DCBLD2: variants seen among roughly 807,000 people sequenced by gnomAD.
The protein encoded by DCBLD2 is discoidin, CUB and LCCL domain containing 2.
Under a neutral mutation model 86.8 loss-of-function variants are expected in DCBLD2, and 54 were observed. That is an observed-to-expected ratio of 0.62 (90% CI 0.50 to 0.78). The LOEUF is 0.78. Among genes scored for constraint, DCBLD2 ranks in the 30% least tolerant of loss-of-function variants. DCBLD2 has a pLI of 0.00. For synonymous variants in DCBLD2, 354 were observed against 341.3 expected, an observed-to-expected ratio of 1.04 and a Z score of -0.41; for missense variants, 908 against 954.2, an observed-to-expected ratio of 0.95 and a Z score of 0.64.
In DCBLD2 at chr3:98,849,519, A is replaced by G. The variant is rs1370016849; in HGVS notation, c.513T>C (p.Ser171=). ...ATCCGCGTCCAGAAACATGGATTCC[A>G]CTCATGAACAGCAATGTGATTTCAT... ...KGNEITLLFM[S]GIHVSGRGFL... The change falls in exon 3 of 16, where the codon AGT becomes AGC. Residue 171 remains serine, a synonymous_variant. Coordinates refer to ENST00000326840, the MANE Select transcript of DCBLD2 (RefSeq NM_080927.4). The G allele has an allele frequency of 1.9e-6, 3 of 1,613,866 alleles. No homozygotes were observed. The highest frequency in any genetic ancestry group is 3.3e-5 in the Admixed American group (2 of 60,012).
At chr3:98,860,493 G>C (rs139481246) in intron 2 of DCBLD2, among the ~76,000 whole-genome samples, 8,105 of 152,220 alleles carry the variant, frequency 0.053, 279 homozygotes, top group Non-Finnish European at 0.071. Flanking sequence ...GGTTACCCAC[G>C]AAGGGAAGCC....
chr3:98,833,212 G>C (rs1576169248), intron 3 of DCBLD2, among the ~76,000 whole-genome samples: 1 of 152,036 alleles, frequency 6.6e-6, no homozygotes, highest in Non-Finnish European at 1.5e-5. Flanking sequence ...TCCTCAGCGT[G>C]GTCTATTCTG....
rs760777099 is a variant in DCBLD2, at chr3:98,811,515, T to C, written c.1403A>G (p.Asn468Ser). ...PKLTQPPPPR[N>S]SNDLKNTTAP... is the part of the protein sequence containing the mutation. ...TGTAGTGTTTTTGAGGTCATTGCTG[T>C]TCCGAGGAGGTGGAGGTTGAGTAAG... Residue 468 changes from asparagine (N) to serine (S), a missense_variant, in exon 11 of 16, where the codon AAC (asparagine) becomes AGC (serine). Coordinates refer to ENST00000326840, the MANE Select transcript of DCBLD2 (RefSeq NM_080927.4). 6.2e-7 allele frequency: 1 copy of C among 1,608,210 alleles called. No individual in the cohort carries two copies. Among genetic ancestry groups the C allele is most frequent in the South Asian group, 1.1e-5 (1 of 89,272 alleles).
chr3:98,811,166 C>T (rs1941931522), intron 12 of DCBLD2, 28 bp downstream of exon 12: 1 of 1,577,286 alleles, frequency 6.3e-7, no homozygotes, highest in Non-Finnish European at 8.6e-7. Context: ...ATACTATGTA[C>T]TAGGCGTTCA....
Position 98,811,214 on chromosome 3 carries a change from AC to A in DCBLD2, c.1555del (p.Val519Ter). The A allele has an allele frequency of 6.2e-7, 1 of 1,608,286 alleles. No homozygotes were observed. The highest frequency in any genetic ancestry group is 1.1e-5 in the South Asian group (1 of 89,570). On this transcript the variant is annotated frameshift_variant, in exon 12 of 16. Transcript: ENST00000326840. LOFTEE classifies it high-confidence loss of function. ...TASPDIRNTT[V>X]TPNVTKDVAL... is the part of the protein sequence containing the mutation. ...CATACCTTTGGTTACATTTGGAGTT[AC>A]GGTAGTATTTCTGATATCAGGACTG... is the stretch of plus-strand genomic sequence containing the variant.
intron 14 of DCBLD2, 145 bp from the exon 15 acceptor site, chr3:98,800,861 T>TC: frequency 8.7e-7 from 1 of 1,144,498 alleles, no homozygotes; most frequent in Non-Finnish European, 1.2e-6. Flanking sequence ...AACTTTTTTT[T>TC]TTTTTTTTGC....
At chr3:98,813,277 A>C (rs1251832201) in intron 9 of DCBLD2, 3 of 152,124 alleles carry the variant, frequency 2.0e-5, no homozygotes, top group African/African-American at 7.2e-5. Context: ...TTTATTTAGA[A>C]AAGAGGTCTC....
At chr3:98,849,423 T>C (rs1298271546) in intron 3 of DCBLD2, 38 bp downstream of exon 3, 12 of 1,612,384 alleles carry the variant, frequency 7.4e-6, no homozygotes, top group Non-Finnish European at 9.3e-6. Flanking sequence ...TGTTAGAAAT[T>C]ACAAACTGTA....
intron 2 of DCBLD2, among the ~76,000 whole-genome samples, chr3:98,871,846 T>C (rs368416067): frequency 3.3e-5 from 5 of 152,194 alleles, no homozygotes; most frequent in African/African-American, 4.8e-5. Context: ...TTCAGTAGAA[T>C]TGGCATCAGT....
At chr3:98,882,496 T>C (rs1372693502) in intron 1 of DCBLD2, among the ~76,000 whole-genome samples, 4 of 152,054 alleles carry the variant, frequency 2.6e-5, no homozygotes, top group South Asian at 2.1e-4. Flanking sequence ...CAGATATACA[T>C]GTGCCATGTT....
At chr3:98,845,634 C>A (rs1453201731) in intron 3 of DCBLD2, among the ~76,000 whole-genome samples, 1 of 152,202 alleles carries the variant, frequency 6.6e-6, no homozygotes, top group Non-Finnish European at 1.5e-5. Context: ...CACACCACTT[C>A]TCTGTTCTTA....
intron 2 of DCBLD2, among the ~76,000 whole-genome samples, chr3:98,864,440 A>G (rs569895115): frequency 6.6e-6 from 1 of 152,214 alleles, no homozygotes; most frequent in Non-Finnish European, 1.5e-5. Context: ...AATAGCAAAG[A>G]CTTGGAACCA....
Position 98,797,422 on chromosome 3 carries a change from G to T in DCBLD2, c.*1950C>A, listed in dbSNP as rs1303310774. ...ACATCTCTCTTAAAGCTTCAAACAG[G>T]TATATTACTTGAGGAAAAGTATATT... is the stretch of plus-strand genomic sequence containing the variant. On this transcript the variant is annotated 3_prime_UTR_variant, in exon 16 of 16. Transcript: ENST00000326840. 1.3e-5 allele frequency: 2 copies of T among 152,456 alleles called. No homozygotes were observed. The highest frequency in any genetic ancestry group is 4.8e-5 in the African/African-American group (2 of 41,392). 9.4% of individuals were successfully genotyped at this position (152,456 alleles called of 1,614,324 possible).
rs369032659 is a variant in DCBLD2, at chr3:98,901,256, G to A, written c.71C>T (p.Ala24Val). The A allele has an allele frequency of 2.6e-4, 398 of 1,531,320 alleles. 1 individual carries two copies. In the African/African-American group the frequency reaches 4.4e-3, roughly 17 times the overall value. 94.9% of individuals were successfully genotyped at this position (1,531,320 alleles called of 1,614,324 possible). ...QCPQVRAAAAAPAWAALPLSR... is the reference protein window; with the variant it reads ...QCPQVRAAAAVPAWAALPLSR... The stretch of plus-strand genomic sequence containing the variant: ...GAGGGGGAGCGCGGCCCAGGCGGGG[G>A]CGGCGGCCGCGGCCCGGACTTGGGG... The change falls in exon 1 of 16, where the codon GCC (alanine) becomes GTC (valine). Residue 24 changes from alanine to valine, a missense_variant. This residue lies in a region of DCBLD2 where 294 missense variants were observed against 256.0 expected (regional missense o/e 1.15). Transcript: ENST00000326840.
intron 1 of DCBLD2, 143 bp from the exon 2 acceptor site, chr3:98,881,910 A>G: frequency 1.2e-6 from 1 of 819,952 alleles, no homozygotes; most frequent in Non-Finnish European, 1.9e-6. Flanking sequence ...TTTTTAATGG[A>G]CAAATAATTG....
At chr3:98,880,767 A>G (rs2107521657) in intron 2 of DCBLD2, among the ~76,000 whole-genome samples, 1 of 152,314 alleles carries the variant, frequency 6.6e-6, no homozygotes, top group Admixed American at 6.5e-5. Flanking sequence ...AAGAGAAAAA[A>G]TGGAGAGGTC....
chr3:98,846,709 C>T (rs903448176), intron 3 of DCBLD2, among the ~76,000 whole-genome samples: 1 of 152,062 alleles, frequency 6.6e-6, no homozygotes, highest in African/African-American at 2.4e-5. Context: ...TAAGATTCAT[C>T]TAAAATAGAA....
intron 2 of DCBLD2, among the ~76,000 whole-genome samples, chr3:98,870,760 A>AAGAAAGAAT (rs1943257993): frequency 7.3e-6 from 1 of 137,452 alleles, no homozygotes; most frequent in Admixed American, 7.1e-5. Context: ...AAAGAAAGAA[A>AAGAAAGAAT]GAAAGAAAGA....
At chr3:98,807,800 ATTCT>A (rs1270796447) in intron 13 of DCBLD2, 23 of 194,864 alleles carry the variant, frequency 1.2e-4, no homozygotes, top group South Asian at 3.3e-4. Flanking sequence ...ATTGTGTCTC[ATTCT>A]TTAAGTAAAT....
Sources: allele counts gnomAD v4.1 joint callset (sites outside exome capture counted in the v4.1 genomes callset), GRCh38; gene constraint gnomAD v4.1.1; regional missense constraint gnomAD v4.1.1; transcripts MANE v1.5; gene names NCBI Gene and HGNC (gene_info 2026-07-23, HGNC 2026-07-21).